The following CNBD1 variants were observed in gnomAD, a reference collection of about 807,000 sequenced individuals.
The protein encoded by CNBD1 is cyclic nucleotide-binding domain-containing protein 1.
Under a neutral mutation model 54.4 loss-of-function variants are expected in CNBD1, and 71 were observed. The ratio of observed to expected loss-of-function variants is 1.30; its 90% CI spans 1.08 to 1.59. CNBD1 has a LOEUF of 1.59. CNBD1 is among the 40% of genes most tolerant of loss of function. CNBD1 has a pLI of 0.00. For missense variants in CNBD1, 659 were observed against 518.0 expected (o/e 1.27, Z -2.64); for synonymous variants, 182 against 170.7 (o/e 1.07, Z -0.51).
intron 4 of CNBD1, among the ~76,000 whole-genome samples, chr8:87,171,704 T>A (rs776668910): frequency 6.6e-6 from 1 of 152,072 alleles, no homozygotes; most frequent in South Asian, 2.1e-4. Context: ...AGTGACATGA[T>A]CTCAGCTCAC....
At chr8:87,050,471 G>C (rs1198064085) in intron 4 of CNBD1, among the ~76,000 whole-genome samples, 3 of 152,188 alleles carry the variant, frequency 2.0e-5, no homozygotes, top group Non-Finnish European at 4.4e-5. Context: ...TTAATGTGAG[G>C]ATGAGACAAC....
At chr8:87,115,537 C>T (rs1463069106) in intron 4 of CNBD1, among the ~76,000 whole-genome samples, 1 of 152,082 alleles carries the variant, frequency 6.6e-6, no homozygotes, top group Non-Finnish European at 1.5e-5. Flanking sequence ...ATGAGGAGTC[C>T]ATACCTGATA....
At chr8:87,120,611 G>C (rs982538889) in intron 4 of CNBD1, among the ~76,000 whole-genome samples, 5 of 151,808 alleles carry the variant, frequency 3.3e-5, no homozygotes, top group African/African-American at 1.2e-4. Context: ...GGTTTGGTTT[G>C]TTCTTGCTTT....
intron 7 of CNBD1, among the ~76,000 whole-genome samples, chr8:87,286,005 T>C (rs1808692310): frequency 6.6e-6 from 1 of 152,212 alleles, no homozygotes; most frequent in African/African-American, 2.4e-5. Context: ...TCAGTGCTCA[T>C]GTGGAGTGGT....
chr8:87,225,471 G>C (rs1330748893), intron 5 of CNBD1, among the ~76,000 whole-genome samples: 2 of 150,702 alleles, frequency 1.3e-5, no homozygotes, highest in Non-Finnish European at 3.0e-5. Flanking sequence ...TTTTGTCAAA[G>C]GCCTTTTCTG....
intron 5 of CNBD1, among the ~76,000 whole-genome samples, chr8:87,230,632 T>A (rs2130820184): frequency 6.6e-6 from 1 of 152,306 alleles, no homozygotes; most frequent in African/African-American, 2.4e-5. Context: ...TAACAATGTA[T>A]GGTTTTCTGG....
downstream of CNBD1, among the ~76,000 whole-genome samples, chr8:87,383,437 T>G (rs1811127001): frequency 6.6e-6 from 1 of 152,148 alleles, no homozygotes. Context: ...GTTATTATTT[T>G]AGAGATAAAG....
chr8:87,389,247 C>T (rs994483135), intron 2 of CNBD1, among the ~76,000 whole-genome samples: 1 of 152,080 alleles, frequency 6.6e-6, no homozygotes, highest in Non-Finnish European at 1.5e-5. Flanking sequence ...GAAGTTCTGG[C>T]CAGGGCAATC....
intron 2 of CNBD1, among the ~76,000 whole-genome samples, chr8:87,412,472 G>A (rs571403341): frequency 6.6e-6 from 1 of 152,132 alleles, no homozygotes; most frequent in South Asian, 2.1e-4. Flanking sequence ...ACATGCCTAT[G>A]TGTTCATGCT....
chr8:87,162,511 C>T (rs567294431), intron 4 of CNBD1, among the ~76,000 whole-genome samples: 118 of 152,002 alleles, frequency 7.8e-4, no homozygotes, highest in Non-Finnish European at 1.0e-3. Context: ...TAGTTGTTTT[C>T]CCTGTTGATC....
At chr8:87,213,631 G>A (rs1026109409) in intron 5 of CNBD1, among the ~76,000 whole-genome samples, 3 of 151,986 alleles carry the variant, frequency 2.0e-5, no homozygotes, top group Non-Finnish European at 2.9e-5. Flanking sequence ...ACAACACATG[G>A]GAATTATGGG....
intron 8 of CNBD1, among the ~76,000 whole-genome samples, chr8:87,314,719 A>C (rs1199946446): frequency 1.3e-5 from 2 of 152,036 alleles, no homozygotes; most frequent in Non-Finnish European, 1.5e-5. Flanking sequence ...ATGAATATGT[A>C]CACATTTATT....
intron 8 of CNBD1, among the ~76,000 whole-genome samples, chr8:87,325,793 G>A (rs965810883): frequency 4.7e-5 from 7 of 149,174 alleles, no homozygotes; most frequent in Non-Finnish European, 1.0e-4. Context: ...GGAGCATTTA[G>A]TCCATTTACA....
At chr8:87,358,884 G>C (rs13255753) in intron 10 of CNBD1, among the ~76,000 whole-genome samples, 86,200 of 151,946 alleles carry the variant, frequency 0.57, 25,974 homozygotes, top group African/African-American at 0.77. Context: ...CATCTTAGCT[G>C]AAGAAGAGAT....
At chr8:87,167,450 A>AT (rs745851060) in intron 4 of CNBD1, among the ~76,000 whole-genome samples, 26 of 151,350 alleles carry the variant, frequency 1.7e-4, no homozygotes, top group African/African-American at 4.8e-4. Context: ...ACACTAGAAC[A>AT]TTTTTTGTTG....
chr8:87,416,341 A>C (rs1563593847), intron 2 of CNBD1, among the ~76,000 whole-genome samples: 2 of 152,170 alleles, frequency 1.3e-5, no homozygotes, highest in African/African-American at 4.8e-5. Context: ...GTTTTCAGTT[A>C]TTTGCAAATT....
intron 8 of CNBD1, among the ~76,000 whole-genome samples, chr8:87,327,461 G>A (rs190212321): frequency 1.1e-4 from 17 of 152,190 alleles, no homozygotes; most frequent in African/African-American, 3.4e-4. Flanking sequence ...GCGAGATTCC[G>A]TGGGCGTAGG....
chr8:87,020,849 A>G (rs905611845), intron 4 of CNBD1, among the ~76,000 whole-genome samples: 3 of 152,172 alleles, frequency 2.0e-5, no homozygotes, highest in African/African-American at 4.8e-5. Context: ...TTTAAGTCCA[A>G]TGAAAAACCA....
At chr8:87,109,294 G>A (rs1225970391) in intron 4 of CNBD1, among the ~76,000 whole-genome samples, 1 of 152,056 alleles carries the variant, frequency 6.6e-6, no homozygotes, top group Non-Finnish European at 1.5e-5. Context: ...AGCACTCGGA[G>A]GGTCCCTTTC....
Sources: allele counts gnomAD v4.1 joint callset (sites outside exome capture counted in the v4.1 genomes callset), GRCh38; gene constraint gnomAD v4.1.1; transcripts MANE v1.5; gene names NCBI Gene and HGNC (gene_info 2026-07-23, HGNC 2026-07-21).